Variants in LIMA1 observed in about 807,000 individuals in gnomAD.
LIMA1 encodes LIM domain and actin binding 1.
LIMA1 carries 52 observed loss-of-function variants against 62.6 expected under a neutral mutation model. The ratio of observed to expected loss-of-function variants is 0.83; its 90% confidence interval spans 0.67 to 1.05. The LOEUF is 1.05. Ranked by LOEUF, LIMA1 falls within the 50% of genes least tolerant of loss-of-function variation. The pLI is 0.00. For synonymous variants in LIMA1, 302 were observed against 317.8 expected, an observed-to-expected ratio of 0.95 and a Z score of 0.53; for missense variants, 780 against 902.2, an observed-to-expected ratio of 0.86 and a Z score of 1.74.
At chr12:50,259,257 T>C (rs1942036371) in intron 1 of LIMA1, among the ~76,000 whole-genome samples, 1 of 152,186 alleles carries the variant, frequency 6.6e-6, no homozygotes, top group African/African-American at 2.4e-5. Context: ...CAAACTGCCC[T>C]AGCCCTATTC....
At chr12:50,261,278 T>C (rs903701107) in intron 1 of LIMA1, among the ~76,000 whole-genome samples, 1 of 151,654 alleles carries the variant, frequency 6.6e-6, no homozygotes, top group African/African-American at 2.4e-5. Context: ...GGTCTCCATC[T>C]CCTGACCTCG....
At chr12:50,206,108 T>C in intron 4 of LIMA1, 40 bp from the exon 5 acceptor site, 1 of 1,541,274 alleles carries the variant, frequency 6.5e-7, no homozygotes, top group Non-Finnish European at 8.9e-7. Context: ...GCAGAAACAA[T>C]GGGAAATCTT....
At chr12:50,239,816 C>T (rs142458102) in intron 2 of LIMA1, among the ~76,000 whole-genome samples, 1 of 151,408 alleles carries the variant, frequency 6.6e-6, no homozygotes, top group Non-Finnish European at 1.5e-5. Context: ...GGCAACATGG[C>T]GAGACCCCAT....
chr12:50,239,655 A>T (rs1941745399), intron 2 of LIMA1, among the ~76,000 whole-genome samples: 1 of 151,794 alleles, frequency 6.6e-6, no homozygotes, highest in Non-Finnish European at 1.5e-5. Context: ...ACAAACAAAA[A>T]ACCATCACAT....
intron 9 of LIMA1, chr12:50,188,742 T>C (rs904245853): frequency 6.6e-6 from 1 of 152,180 alleles, no homozygotes; most frequent in African/African-American, 2.4e-5. Context: ...GCTCACCCCG[T>C]GGAACTTGAG....
At chr12:50,242,130 A>G (rs1941787222) in intron 2 of LIMA1, among the ~76,000 whole-genome samples, 1 of 151,464 alleles carries the variant, frequency 6.6e-6, no homozygotes, top group Non-Finnish European at 1.5e-5. Context: ...AGAGTTCCTG[A>G]GCCATGACTC....
At chr12:50,268,669 G>A (rs763314819) in intron 1 of LIMA1, among the ~76,000 whole-genome samples, 32 of 151,702 alleles carry the variant, frequency 2.1e-4, no homozygotes, top group Non-Finnish European at 4.6e-4. Context: ...GAACTCCTGG[G>A]CTCAAGCGAT....
intron 1 of LIMA1, among the ~76,000 whole-genome samples, chr12:50,263,450 G>A (rs1166133705): frequency 1.3e-5 from 2 of 152,136 alleles, no homozygotes; most frequent in Non-Finnish European, 2.9e-5. Flanking sequence ...AAAGCAACTT[G>A]AGCGATCAGA....
chr12:50,192,437 A>C lies in LIMA1; in HGVS notation c.1140+15T>G, dbSNP rs768787367. On this transcript the variant is annotated intron_variant, in intron 9 of 10. Transcript: ENST00000341247. ...GACCAATGTCCAAAGGCTCAGAGAGAAATTGCCATCATACCTTCATTGCTT... is the reference window on the plus strand; with the variant it reads ...GACCAATGTCCAAAGGCTCAGAGAGCAATTGCCATCATACCTTCATTGCTT... 3 of 1,522,914 alleles carry C rather than the reference A, an allele frequency of 2.0e-6. No homozygotes were observed. The African/African-American group carries it at 4.1e-5, about 21-fold the overall frequency. 94.3% of individuals were successfully genotyped at this position (1,522,914 alleles called of 1,614,324 possible).
chr12:50,205,314 C>T (rs1941131604), intron 5 of LIMA1, among the ~76,000 whole-genome samples: 1 of 151,468 alleles, frequency 6.6e-6, no homozygotes, highest in Non-Finnish European at 1.5e-5. Flanking sequence ...TTTAAGTGGT[C>T]CTCCTGTCTC....
At chr12:50,232,043 C>T (rs1356767511) in intron 2 of LIMA1, among the ~76,000 whole-genome samples, 3 of 83,454 alleles carry the variant, frequency 3.6e-5, no homozygotes, top group Admixed American at 2.8e-4. Flanking sequence ...GAGTGCCCAG[C>T]TTTTTTTTTT....
chr12:50,191,531 A>C (rs1592502140), intron 9 of LIMA1, among the ~76,000 whole-genome samples: 1 of 151,542 alleles, frequency 6.6e-6, no homozygotes, highest in East Asian at 2.0e-4. Context: ...GTCTCAAAAA[A>C]ACAAAACAGG....
intron 4 of LIMA1, among the ~76,000 whole-genome samples, chr12:50,214,024 CCACACACACACACA>C (rs10632810): frequency 3.8e-5 from 4 of 104,492 alleles, no homozygotes; most frequent in Non-Finnish European, 9.4e-5. Context: ...TATTATCTTA[CCACACACACACACA>C]CACACACACA....
chr12:50,207,298 T>C (rs1379498008), intron 4 of LIMA1, among the ~76,000 whole-genome samples: 1 of 152,310 alleles, frequency 6.6e-6, no homozygotes, highest in East Asian at 1.9e-4. Flanking sequence ...ATATCTAAGG[T>C]AGATCTTTAA....
intron 2 of LIMA1, among the ~76,000 whole-genome samples, chr12:50,235,109 A>AT (rs913478326): frequency 6.6e-6 from 1 of 151,664 alleles, no homozygotes; most frequent in Non-Finnish European, 1.5e-5. Flanking sequence ...ATTTAAAAAA[A>AT]TTTTTTTTAG....
chr12:50,268,946 G>C (rs981426606), intron 1 of LIMA1, among the ~76,000 whole-genome samples: 17 of 152,100 alleles, frequency 1.1e-4, no homozygotes, highest in African/African-American at 3.1e-4. Flanking sequence ...TATCCTTTAA[G>C]AGTCTTGAAA....
chr12:50,221,765 G>A (rs756398796), intron 4 of LIMA1, among the ~76,000 whole-genome samples: 2 of 152,106 alleles, frequency 1.3e-5, no homozygotes, highest in African/African-American at 2.4e-5. Flanking sequence ...TAATCCAATC[G>A]GTATTAAACT....
chr12:50,254,587 A>G (rs1941969392), intron 1 of LIMA1, among the ~76,000 whole-genome samples: 1 of 152,182 alleles, frequency 6.6e-6, no homozygotes, highest in African/African-American at 2.4e-5. Context: ...GGAGATAAAG[A>G]TCTCTCGAAC....
chr12:50,199,234 G>A lies in LIMA1; in HGVS notation c.972+1543C>T, dbSNP rs376944672. Among the ~76,000 whole-genome samples, 18 of 152,308 alleles carry A rather than the reference G, an allele frequency of 1.2e-4. No individual in the cohort carries two copies. The South Asian group carries it at 2.7e-3, about 23-fold the overall frequency. On this transcript the variant is annotated intron_variant, in intron 7 of 10. Transcript: ENST00000341247. ...GAATCACAGTTACTTGGGAGGCTGC[G>A]GCAGGAGAATTGCTTGAACCTGGGA...
Sources: gnomAD v4.1 joint callset for allele counts (sites outside exome capture counted in the v4.1 genomes callset) on GRCh38, gnomAD v4.1.1 for gene constraint, MANE v1.5 for transcripts, NCBI Gene and HGNC (gene_info 2026-07-23, HGNC 2026-07-21) for gene names.